TSPEAR: variants seen among roughly 807,000 people sequenced by gnomAD.
TSPEAR encodes thrombospondin type laminin G domain and EAR repeats.
In TSPEAR, 69 loss-of-function variants were observed where a neutral mutation model predicts 71.6. That is an observed-to-expected ratio of 0.96 (90% confidence interval 0.79 to 1.18). TSPEAR has a LOEUF of 1.18. Among genes scored for constraint, TSPEAR ranks in the 50% most tolerant of loss-of-function variants. The probability of loss-of-function intolerance (pLI) is 0.00; values close to 1 mark genes in which losing one functional copy is unlikely to be tolerated. For synonymous variants in TSPEAR, 402 were observed against 387.2 expected (o/e 1.04, Z -0.45); for missense variants, 971 against 894.9 (o/e 1.09, Z -1.09).
chr21:44,672,075 G>T (rs1484900869), intron 1 of TSPEAR, among the ~76,000 whole-genome samples: 1 of 151,964 alleles, frequency 6.6e-6, no homozygotes, highest in Non-Finnish European at 1.5e-5. Flanking sequence ...CCATTTGAGA[G>T]CTTCAACAAT....
intron 1 of TSPEAR, among the ~76,000 whole-genome samples, chr21:44,652,953 A>G (rs949494267): frequency 6.6e-5 from 10 of 152,108 alleles, no homozygotes; most frequent in African/African-American, 1.4e-4. Context: ...TCAGGAGATC[A>G]AAACCATCCT....
At chr21:44,513,409 CAT>C (rs2052457015) in intron 9 of TSPEAR, among the ~76,000 whole-genome samples, 2 of 152,240 alleles carry the variant, frequency 1.3e-5, no homozygotes, top group African/African-American at 4.8e-5. Flanking sequence ...ATTAGGGACT[CAT>C]AGAGGAGAGA....
chr21:44,658,281 C>G, intron 1 of TSPEAR: 2 of 1,612,370 alleles, frequency 1.2e-6, no homozygotes, highest in South Asian at 1.1e-5. Context: ...CCAGCTGCTC[C>G]TGGTACACGG....
chr21:44,689,712 A>AATATATATAT lies in TSPEAR; in HGVS notation c.82+21711_82+21720dup, dbSNP rs71199618. 1.1e-3 allele frequency among the ~76,000 whole-genome samples: 68 copies of AATATATATAT among 62,054 alleles called. 3 individuals carry two copies. Among genetic ancestry groups the AATATATATAT allele is most frequent in the Admixed American group, 5.4e-3 (29 of 5,364 alleles). The allele number at this position is 62,054 out of a possible 152,430, so 40.7% of individuals were successfully genotyped here. A position where few individuals can be genotyped will look rare whatever the true frequency, so the allele number is the denominator to read the frequency against. The stretch of plus-strand genomic sequence containing the variant: ...TCCCTTAGAGGGACAGAATAGAATG[A>AATATATATAT]ATATATATATATATATATATATATA... On this transcript the variant is annotated intron_variant, in intron 1 of 11. Coordinates refer to ENST00000323084, the MANE Select transcript of TSPEAR (RefSeq NM_144991.3).
rs141234042 is a variant in TSPEAR at position 44,620,620 on chromosome 21, T to C, written c.83-52615A>G. Among the ~76,000 whole-genome samples the C allele has an allele frequency of 6.2e-3, 938 of 152,348 alleles. 3 individuals are homozygous for C. Among genetic ancestry groups the C allele is most frequent in the Non-Finnish European group, 9.6e-3 (652 of 68,012 alleles). On this transcript the variant is annotated intron_variant, in intron 1 of 11. Coordinates refer to ENST00000323084, the MANE Select transcript of TSPEAR (RefSeq NM_144991.3). ...TGTTGCTCTTCTCAAAGAACCAACT[T>C]TTTTGTTCCTTGATTCGATTGATTT... is the stretch of plus-strand genomic sequence containing the variant.
intron 1 of TSPEAR, chr21:44,698,076 A>C: frequency 9.1e-7 from 1 of 1,094,678 alleles, no homozygotes. Context: ...AGATGCGTGC[A>C]CAGCCTCTCT....
At chr21:44,601,180 T>A in intron 1 of TSPEAR, 1 of 1,603,536 alleles carries the variant, frequency 6.2e-7, no homozygotes, top group Middle Eastern at 1.7e-4. Context: ...CAGTCCCTGC[T>A]GCCAGGCGGT....
chr21:44,508,674 G>T (rs114301585), intron 10 of TSPEAR: 9 of 1,201,592 alleles, frequency 7.5e-6, no homozygotes, highest in Non-Finnish European at 6.4e-6. Context: ...TCACTTTCTC[G>T]TACATACAGA....
At chr21:44,539,161 A>AG (rs587762104) in intron 2 of TSPEAR, 363 of 1,384,642 alleles carry the variant, frequency 2.6e-4, no homozygotes, top group African/African-American at 1.3e-3. Flanking sequence ...GGGAGCAAGG[A>AG]GGGGGGGTCA....
chr21:44,562,652 TAAG>T (rs1555921256), intron 2 of TSPEAR, among the ~76,000 whole-genome samples: 1 of 152,072 alleles, frequency 6.6e-6, no homozygotes, highest in African/African-American at 2.4e-5. Flanking sequence ...AAGAGAACCA[TAAG>T]AAGAGCAACA....
intron 1 of TSPEAR, chr21:44,574,084 G>A: frequency 6.2e-7 from 1 of 1,612,988 alleles, no homozygotes. Context: ...CAGCAGGCCT[G>A]CTGCGTGCCC....
intron 1 of TSPEAR, among the ~76,000 whole-genome samples, chr21:44,614,097 C>T (rs587603784): frequency 4.6e-5 from 7 of 152,308 alleles, no homozygotes; most frequent in South Asian, 2.1e-4. Flanking sequence ...TGGTGTCTGT[C>T]GGGGTGTCTG....
intron 2 of TSPEAR, among the ~76,000 whole-genome samples, chr21:44,535,444 CAGTT>C (rs1156786078): frequency 2.0e-5 from 3 of 152,160 alleles, no homozygotes; most frequent in Non-Finnish European, 4.4e-5. Context: ...GGTATGAAAA[CAGTT>C]AGACAGCATA....
At chr21:44,613,814 C>A (rs1981887035) in intron 1 of TSPEAR, among the ~76,000 whole-genome samples, 1 of 151,948 alleles carries the variant, frequency 6.6e-6, no homozygotes, top group African/African-American at 2.4e-5. Context: ...AGGCCCGCCG[C>A]CCCTGCCCCT....
intron 6 of TSPEAR, 146 bp from the exon 7 acceptor site, chr21:44,527,664 C>G: frequency 1.3e-6 from 1 of 760,718 alleles, no homozygotes; most frequent in Non-Finnish European, 2.2e-6. Flanking sequence ...ACGTTTCGCT[C>G]TCACAGGAAA....
At position 44,638,415 on chromosome 21, in the gene TSPEAR, C is replaced by A. The variant is rs587691685; in HGVS notation, c.83-70410G>T. 223 of 402,294 alleles carry A rather than the reference C, an allele frequency of 5.5e-4. 3 individuals are homozygous for A. Among genetic ancestry groups the A allele is most frequent in the South Asian group, 5.1e-3 (163 of 32,030 alleles). The allele number at this position is 402,294 out of a possible 1,614,324, so 24.9% of individuals were successfully genotyped here. A position where few individuals can be genotyped will look rare whatever the true frequency, so the allele number is the denominator to read the frequency against. On this transcript the variant is annotated intron_variant, in intron 1 of 11. Transcript: ENST00000323084. ...AGGCCTGGTTCCACCCTGGGCAGCA[C>A]CCCCTCTAGTTCTAATAAAGCCGCC...
At chr21:44,551,684 C>G (rs1272183449) in intron 2 of TSPEAR, among the ~76,000 whole-genome samples, 1 of 152,210 alleles carries the variant, frequency 6.6e-6, no homozygotes, top group Admixed American at 6.5e-5. Context: ...GACTTGTCCT[C>G]ACTCTGCTCC....
chr21:44,596,000 T>C (rs1201303609), intron 1 of TSPEAR, among the ~76,000 whole-genome samples: 1 of 152,198 alleles, frequency 6.6e-6, no homozygotes, highest in Non-Finnish European at 1.5e-5. Context: ...ATTTATCATC[T>C]CGGTTTCTGT....
At chr21:44,689,221 G>A (rs1028976580) in intron 1 of TSPEAR, among the ~76,000 whole-genome samples, 6 of 152,154 alleles carry the variant, frequency 3.9e-5, no homozygotes, top group Non-Finnish European at 7.4e-5. Flanking sequence ...TCCTAAATAC[G>A]GCCGGGCACG....
Sources: gnomAD v4.1 joint callset for allele counts (sites outside exome capture counted in the v4.1 genomes callset) on GRCh38, gnomAD v4.1.1 for gene constraint, MANE v1.5 for transcripts, NCBI Gene and HGNC (gene_info 2026-07-23, HGNC 2026-07-21) for gene names.